Variants in TMEM135 observed in about 807,000 individuals in gnomAD.
TMEM135 encodes peroxisomal membrane protein 52.
A neutral mutation model predicts 60.3 loss-of-function variants in TMEM135; 30 were observed. The ratio of observed to expected loss-of-function variants is 0.50; its 90% confidence interval spans 0.37 to 0.68. The LOEUF is 0.68. TMEM135 is among the 30% of genes least tolerant of loss of function. TMEM135 has a pLI of 0.00. For missense variants in TMEM135, 468 were observed against 548.8 expected, an observed-to-expected ratio of 0.85 and a Z score of 1.47; for synonymous variants, 190 against 186.7, an observed-to-expected ratio of 1.02 and a Z score of -0.14.
At chr11:87,090,630 A>G (rs961415246) in intron 3 of TMEM135, among the ~76,000 whole-genome samples, 1 of 152,146 alleles carries the variant, frequency 6.6e-6, no homozygotes, top group Non-Finnish European at 1.5e-5. Context: ...CCTATTGAAG[A>G]CATTTCCTAG....
intron 4 of TMEM135, among the ~76,000 whole-genome samples, chr11:87,116,567 G>T (rs1427425342): frequency 1.7e-5 from 2 of 117,610 alleles, no homozygotes; most frequent in African/African-American, 6.0e-5. Context: ...TAATAGGATT[G>T]GTATAAATTG....
At chr11:87,257,620 T>G (rs886657441) in intron 6 of TMEM135, among the ~76,000 whole-genome samples, 3 of 152,236 alleles carry the variant, frequency 2.0e-5, no homozygotes, top group Non-Finnish European at 4.4e-5. Context: ...TATTTAAATC[T>G]AAGCTGTAAA....
chr11:87,122,073 A>G (rs1937606904), intron 4 of TMEM135, among the ~76,000 whole-genome samples: 1 of 152,228 alleles, frequency 6.6e-6, no homozygotes, highest in Admixed American at 6.5e-5. Context: ...AGAAGATTGG[A>G]GGGTGTCAAT....
intron 6 of TMEM135, among the ~76,000 whole-genome samples, chr11:87,249,088 C>T (rs1301270043): frequency 1.3e-5 from 2 of 152,104 alleles, no homozygotes; most frequent in Non-Finnish European, 2.9e-5. Flanking sequence ...TCATTTCTGT[C>T]TCTTGTCTGA....
At chr11:87,227,922 A>G (rs934655119) in intron 5 of TMEM135, among the ~76,000 whole-genome samples, 5 of 152,208 alleles carry the variant, frequency 3.3e-5, no homozygotes, top group Admixed American at 6.5e-5. Flanking sequence ...AACTAACATT[A>G]TAAAAACTCT....
chr11:87,098,685 T>TTATA lies in TMEM135; in HGVS notation c.396+7302_396+7305dup, dbSNP rs202203635. 4.0e-5 allele frequency among the ~76,000 whole-genome samples: 6 copies of TTATA among 151,338 alleles called. No individual in the cohort carries two copies. The South Asian group carries it at 1.0e-3, about 26-fold the overall frequency. On this transcript the variant is annotated intron_variant, in intron 4 of 14. Coordinates refer to ENST00000305494, the MANE Select transcript of TMEM135 (RefSeq NM_022918.4). The stretch of plus-strand genomic sequence containing the variant: ...TATTTATATTGTATAACAAAGTATC[T>TTATA]TATATATATATATATTTTTTTGAGA...
chr11:87,205,566 A>G (rs1940216971), intron 5 of TMEM135, among the ~76,000 whole-genome samples: 1 of 152,216 alleles, frequency 6.6e-6, no homozygotes, highest in African/African-American at 2.4e-5. Flanking sequence ...GTAGAGAGAC[A>G]TAATTATACC....
intron 11 of TMEM135, 136 bp downstream of exon 11, chr11:87,313,624 G>C: frequency 1.3e-6 from 1 of 780,840 alleles, no homozygotes; most frequent in Non-Finnish European, 2.1e-6. Flanking sequence ...TGAGGCACTT[G>C]TCCAAATACT....
chr11:87,038,259 C>T lies in TMEM135; in HGVS notation c.141+73C>T. 2.7e-6 allele frequency: 4 copies of T among 1,487,382 alleles called. No homozygotes were observed. In the Admixed American group the frequency reaches 7.3e-5, roughly 27 times the overall value. The allele number at this position is 1,487,382 out of a possible 1,614,324, so 92.1% of individuals were successfully genotyped here. A position where few individuals can be genotyped will look rare whatever the true frequency, so the allele number is the denominator to read the frequency against. On this transcript the variant is annotated intron_variant, in intron 1 of 14. Transcript: ENST00000305494. Reference sequence around the variant, plus strand: ...GGCCGGGGGCTGCAGTTGGTGCTCCCGAGGGGCTCTGGGGGACTTGCCTTG... The same window carrying T: ...GGCCGGGGGCTGCAGTTGGTGCTCCTGAGGGGCTCTGGGGGACTTGCCTTG...
intron 3 of TMEM135, among the ~76,000 whole-genome samples, chr11:87,075,441 A>T (rs1317771970): frequency 6.6e-6 from 1 of 152,058 alleles, no homozygotes; most frequent in African/African-American, 2.4e-5. Context: ...GGCGTTCGCC[A>T]CTGCACCCGG....
chr11:87,203,122 A>G (rs1245637733), intron 5 of TMEM135, among the ~76,000 whole-genome samples: 1 of 150,526 alleles, frequency 6.6e-6, no homozygotes, highest in Admixed American at 6.7e-5. Flanking sequence ...CAATGGCCCC[A>G]CACACATTCA....
chr11:87,091,449 A>G, intron 4 of TMEM135, 54 bp downstream of exon 4: 10 of 1,570,932 alleles, frequency 6.4e-6, no homozygotes, highest in Non-Finnish European at 8.7e-6. Context: ...ATCTTTTTAA[A>G]ATCAAGTTTT....
intron 4 of TMEM135, among the ~76,000 whole-genome samples, chr11:87,093,039 C>G (rs11234961): frequency 0.081 from 12,375 of 152,072 alleles, 572 homozygotes; most frequent in East Asian, 0.18. Flanking sequence ...TCCCCATTCT[C>G]TATATTCTAT....
At chr11:87,158,551 T>C (rs1177162303) in intron 5 of TMEM135, among the ~76,000 whole-genome samples, 1 of 151,076 alleles carries the variant, frequency 6.6e-6, no homozygotes, top group Non-Finnish European at 1.5e-5. Flanking sequence ...AAGCTCTGCC[T>C]CCCAGGTACA....
intron 1 of TMEM135, among the ~76,000 whole-genome samples, chr11:87,047,473 C>CA (rs1294585202): frequency 3.3e-5 from 5 of 151,002 alleles, no homozygotes; most frequent in African/African-American, 4.9e-5. Context: ...CGTGCGCGAG[C>CA]CGAAGCAGGG....
intron 5 of TMEM135, among the ~76,000 whole-genome samples, chr11:87,182,007 T>A (rs1041914347): frequency 1.3e-5 from 2 of 151,276 alleles, no homozygotes; most frequent in African/African-American, 4.8e-5. Flanking sequence ...GAAATGAGAG[T>A]AAGCCTTAAT....
intron 4 of TMEM135, among the ~76,000 whole-genome samples, chr11:87,142,807 T>G (rs979112952): frequency 2.4e-5 from 3 of 126,866 alleles, no homozygotes; most frequent in Non-Finnish European, 5.1e-5. Context: ...TTACTTTTCC[T>G]TCTGCTCCTT....
chr11:87,231,404 A>T (rs1278178160), intron 5 of TMEM135, among the ~76,000 whole-genome samples: 1 of 152,228 alleles, frequency 6.6e-6, no homozygotes, highest in Non-Finnish European at 1.5e-5. Flanking sequence ...GGCATTGGGT[A>T]AAGTACACAT....
chr11:87,268,878 A>T (rs2135408555), intron 6 of TMEM135, among the ~76,000 whole-genome samples: 1 of 152,284 alleles, frequency 6.6e-6, no homozygotes, highest in East Asian at 1.9e-4. Flanking sequence ...TTCAGATAGC[A>T]TCTAGATTGA....
Sources: allele counts gnomAD v4.1 joint callset (sites outside exome capture counted in the v4.1 genomes callset), GRCh38; gene constraint gnomAD v4.1.1; transcripts MANE v1.5; gene names NCBI Gene and HGNC (gene_info 2026-07-23, HGNC 2026-07-21).